The following SLC35F3 variants were observed in gnomAD, a reference collection of about 807,000 sequenced individuals.
The protein encoded by SLC35F3 is solute carrier family 35 member F3.
Under a neutral mutation model 49.9 loss-of-function variants are expected in SLC35F3, and 25 were observed. The ratio of observed to expected loss-of-function variants is 0.50; its 90% CI spans 0.37 to 0.70. The LOEUF (loss-of-function observed/expected upper bound fraction) is 0.70. Among genes scored for constraint, SLC35F3 ranks in the 30% least tolerant of loss-of-function variants. SLC35F3 has a pLI of 0.00. For synonymous variants in SLC35F3, 275 were observed against 265.4 expected (o/e 1.04, Z -0.35); for missense variants, 525 against 639.8 (o/e 0.82, Z 1.94).
intron 2 of SLC35F3, among the ~76,000 whole-genome samples, chr1:233,929,560 CATTGACTAAAAATAT>C (rs1662210250): frequency 6.6e-6 from 1 of 152,074 alleles, no homozygotes; most frequent in South Asian, 2.1e-4. Flanking sequence ...TCTTTTAGTA[CATTGACTAAAAATAT>C]ATTGACTAAA....
intron 2 of SLC35F3, among the ~76,000 whole-genome samples, chr1:234,083,711 C>T (rs1199802237): frequency 6.6e-6 from 1 of 152,190 alleles, no homozygotes; most frequent in African/African-American, 2.4e-5. Context: ...CAAAGCACTG[C>T]AGTCTTGTCA....
intron 3 of SLC35F3, among the ~76,000 whole-genome samples, chr1:234,260,813 T>C (rs772693325): frequency 6.6e-6 from 1 of 152,144 alleles, no homozygotes; most frequent in Non-Finnish European, 1.5e-5. Context: ...TCTCCCTCCA[T>C]TTCCTCCACC....
In SLC35F3 at chr1:233,970,899, G is replaced by A. The variant is rs537301846; in HGVS notation, c.283+65141G>A. Among the ~76,000 whole-genome samples the A allele has an allele frequency of 9.2e-5, 14 of 152,344 alleles. No individual in the cohort carries two copies. In the South Asian group the frequency reaches 2.9e-3, roughly 32 times the overall value. On this transcript the variant is annotated intron_variant, in intron 2 of 7. Transcript: ENST00000366618. ...TTCTTTGTTATGGCAGTCCTAGCAA[G>A]CTAATAAGGATTTTAGACTGTGTTC... is the stretch of plus-strand genomic sequence containing the variant.
At chr1:234,273,675 G>T (rs1203942426) in intron 3 of SLC35F3, among the ~76,000 whole-genome samples, 1 of 152,190 alleles carries the variant, frequency 6.6e-6, no homozygotes. Flanking sequence ...CAGAAGGATT[G>T]CTACAATTCA....
chr1:234,059,794 A>C (rs1664514359), intron 2 of SLC35F3, among the ~76,000 whole-genome samples: 1 of 152,190 alleles, frequency 6.6e-6, no homozygotes, highest in Non-Finnish European at 1.5e-5. Context: ...AAAATTGAAA[A>C]ACTTGGGGCC....
At chr1:234,084,775 C>T (rs1223668967) in intron 2 of SLC35F3, among the ~76,000 whole-genome samples, 3 of 152,020 alleles carry the variant, frequency 2.0e-5, no homozygotes, top group Admixed American at 2.0e-4. Context: ...AAATGACATA[C>T]TACCCAACCA....
intron 3 of SLC35F3, among the ~76,000 whole-genome samples, chr1:234,291,457 A>G (rs1271938702): frequency 2.6e-5 from 4 of 152,094 alleles, no homozygotes; most frequent in Non-Finnish European, 2.9e-5. Context: ...GGTAGCACAG[A>G]GCTGCACTAG....
intron 2 of SLC35F3, among the ~76,000 whole-genome samples, chr1:234,133,458 C>T (rs1665763054): frequency 6.6e-6 from 1 of 152,170 alleles, no homozygotes; most frequent in Non-Finnish European, 1.5e-5. Flanking sequence ...TCCAGGAGGC[C>T]TGCAGGGTCC....
chr1:234,132,358 G>A (rs1665749519), intron 2 of SLC35F3, among the ~76,000 whole-genome samples: 1 of 152,122 alleles, frequency 6.6e-6, no homozygotes, highest in African/African-American at 2.4e-5. Flanking sequence ...TGTACAATAA[G>A]CACTAGTATA....
intron 3 of SLC35F3, among the ~76,000 whole-genome samples, chr1:234,297,453 C>A (rs1668621328): frequency 6.6e-6 from 1 of 152,130 alleles, no homozygotes; most frequent in Admixed American, 6.5e-5. Context: ...TACTATTCAG[C>A]CTTACAAAAG....
chr1:233,909,379 G>C (rs995082890), intron 2 of SLC35F3, among the ~76,000 whole-genome samples: 2 of 152,136 alleles, frequency 1.3e-5, no homozygotes, highest in Non-Finnish European at 2.9e-5. Context: ...AGTGGATCCA[G>C]GGCCCAGAAA....
chr1:234,294,673 C>T (rs76570771), intron 3 of SLC35F3, among the ~76,000 whole-genome samples: 4,091 of 152,304 alleles, frequency 0.027, 364 homozygotes, highest in Admixed American at 0.17. Context: ...AAACGTCAAG[C>T]GCTGAGTTCC....
chr1:234,259,295 G>A (rs747166617), intron 3 of SLC35F3, among the ~76,000 whole-genome samples: 8 of 152,076 alleles, frequency 5.3e-5, no homozygotes, highest in South Asian at 4.2e-4. Context: ...AGCCTTAAAC[G>A]AAAACCTATC....
intron 3 of SLC35F3, among the ~76,000 whole-genome samples, chr1:234,233,683 T>G (rs1036927606): frequency 6.6e-6 from 1 of 152,238 alleles, no homozygotes; most frequent in African/African-American, 2.4e-5. Context: ...TGTCTTCCTA[T>G]AAAAAGTGCT....
At chr1:234,079,532 A>G (rs1312268283) in intron 2 of SLC35F3, among the ~76,000 whole-genome samples, 1 of 152,252 alleles carries the variant, frequency 6.6e-6, no homozygotes. Flanking sequence ...AGAATATACA[A>G]TGAAAAAGTC....
At chr1:234,161,659 AG>A (rs1456423871) in intron 2 of SLC35F3, among the ~76,000 whole-genome samples, 1 of 152,078 alleles carries the variant, frequency 6.6e-6, no homozygotes, top group African/African-American at 2.4e-5. Flanking sequence ...TATAAAACTT[AG>A]CGAGGTGTGG....
intron 2 of SLC35F3, among the ~76,000 whole-genome samples, chr1:234,060,806 C>A (rs1272823150): frequency 6.6e-6 from 1 of 152,120 alleles, no homozygotes; most frequent in Non-Finnish European, 1.5e-5. Flanking sequence ...CTGTTTCTCT[C>A]CATTTCTTCC....
chr1:233,928,692 A>G (rs1276470920), intron 2 of SLC35F3, among the ~76,000 whole-genome samples: 1 of 152,164 alleles, frequency 6.6e-6, no homozygotes, highest in African/African-American at 2.4e-5. Flanking sequence ...ATTATTGTTG[A>G]AAGTCTTGAC....
intron 3 of SLC35F3, among the ~76,000 whole-genome samples, chr1:234,301,258 A>G (rs1470860900): frequency 6.6e-6 from 1 of 152,198 alleles, no homozygotes; most frequent in Non-Finnish European, 1.5e-5. Context: ...AACAGACAAG[A>G]TCGGGCGTGT....
Sources: allele counts gnomAD v4.1 joint callset (sites outside exome capture counted in the v4.1 genomes callset), GRCh38; gene constraint gnomAD v4.1.1; transcripts MANE v1.5; gene names NCBI Gene and HGNC (gene_info 2026-07-23, HGNC 2026-07-21).